The following RIMKLB variants were observed in gnomAD, a reference collection of about 807,000 sequenced individuals.
RIMKLB encodes the protein beta-citrylglutamate synthase B.
A neutral mutation model predicts 32.0 loss-of-function variants in RIMKLB; 7 were observed. The observed-to-expected ratio is 0.22, with a 90% CI of 0.12 to 0.41. The LOEUF is 0.41. Among genes scored for constraint, RIMKLB ranks in the 10% least tolerant of loss-of-function variants. The probability of loss-of-function intolerance (pLI) is 1.00; values close to 1 mark genes in which losing one functional copy is unlikely to be tolerated. For synonymous variants in RIMKLB, 172 were observed against 185.1 expected, an observed-to-expected ratio of 0.93 and a Z score of 0.57; for missense variants, 289 against 498.7, an observed-to-expected ratio of 0.58 and a Z score of 4.00.
intron 4 of RIMKLB, 63 bp from the exon 5 acceptor site, chr12:8,753,827 T>TA (rs759662734): frequency 1.6e-6 from 2 of 1,279,534 alleles, no homozygotes; most frequent in Non-Finnish European, 2.3e-6. Flanking sequence ...AAGATTCAGA[T>TA]AATAGGTATC....
upstream of RIMKLB, among the ~76,000 whole-genome samples, chr12:8,692,214 G>C (rs1485706014): frequency 6.6e-6 from 1 of 152,186 alleles, no homozygotes; most frequent in Admixed American, 6.5e-5. Flanking sequence ...TCTTCAGTCA[G>C]AGAGGACTAA....
chr12:8,735,731 CTGTCTGTT>C (rs1946939361), intron 2 of RIMKLB, among the ~76,000 whole-genome samples: 1 of 137,054 alleles, frequency 7.3e-6, no homozygotes, highest in African/African-American at 3.2e-5. Context: ...TTTTTTTTGT[CTGTCTGTT>C]TGTTTTTTAA....
chr12:8,724,067 C>T (rs1945744358), intron 2 of RIMKLB, among the ~76,000 whole-genome samples: 1 of 152,040 alleles, frequency 6.6e-6, no homozygotes, highest in Non-Finnish European at 1.5e-5. Flanking sequence ...AATCTGCCCA[C>T]CTCAGCCCCC....
chr12:8,747,571 T>G (rs958840114), intron 2 of RIMKLB, among the ~76,000 whole-genome samples: 5 of 152,196 alleles, frequency 3.3e-5, no homozygotes, highest in Admixed American at 3.3e-4. Context: ...CTTATTTTAT[T>G]TATTAATCTA....
chr12:8,715,788 C>T (rs1432520949), intron 2 of RIMKLB, among the ~76,000 whole-genome samples: 1 of 152,166 alleles, frequency 6.6e-6, no homozygotes, highest in Non-Finnish European at 1.5e-5. Flanking sequence ...GTCAATCACA[C>T]AAATAAATGT....
chr12:8,721,420 A>G (rs1591736729), intron 2 of RIMKLB, among the ~76,000 whole-genome samples: 1 of 152,314 alleles, frequency 6.6e-6, no homozygotes, highest in East Asian at 1.9e-4. Context: ...AATTTATGTA[A>G]TATTCTAAAT....
intron 2 of RIMKLB, chr12:8,742,459 A>G: frequency 2.5e-6 from 1 of 396,114 alleles, no homozygotes; most frequent in Non-Finnish European, 4.9e-6. Context: ...TACAAAGAGC[A>G]CATGGAGGAG....
At chr12:8,728,787 G>GTT (rs869026984) in intron 2 of RIMKLB, among the ~76,000 whole-genome samples, 5 of 142,118 alleles carry the variant, frequency 3.5e-5, no homozygotes, top group Middle Eastern at 3.2e-3. Context: ...GTGTGTGTGT[G>GTT]TTTTTGTTTG....
intron 1 of RIMKLB, 24 bp from the exon 2 acceptor site, chr12:8,713,787 A>G: frequency 7.5e-7 from 1 of 1,332,394 alleles, no homozygotes; most frequent in Non-Finnish European, 1.1e-6. Context: ...TTTACCTTTT[A>G]TGTATATTTT....
Position 8,747,450 on chromosome 12 carries a change from C to T in RIMKLB, c.176-2412C>T, listed in dbSNP as rs1948202160. Among the ~76,000 whole-genome samples the T allele has an allele frequency of 2.0e-5, 3 of 152,112 alleles. No homozygotes were observed. The South Asian group carries it at 6.2e-4, about 32-fold the overall frequency. ...TTATGCCTTAATTTTGCCATTAGTT[C>T]TACCTCCCTGATTTTTCTTCCATCA... On this transcript the variant is annotated intron_variant, in intron 2 of 5. Coordinates refer to ENST00000535829, the MANE Select transcript of RIMKLB (RefSeq NM_001297776.2).
chr12:8,727,242 T>C (rs968739812), intron 2 of RIMKLB, among the ~76,000 whole-genome samples: 1 of 152,172 alleles, frequency 6.6e-6, no homozygotes, highest in Non-Finnish European at 1.5e-5. Flanking sequence ...GTTGTTATTA[T>C]TGTTGTTTTT....
intron 2 of RIMKLB, among the ~76,000 whole-genome samples, chr12:8,740,304 A>G (rs1464094340): frequency 6.6e-6 from 1 of 152,214 alleles, no homozygotes. Flanking sequence ...CCTCTTTTAG[A>G]ATACTTTTTT....
chr12:8,753,426 C>T (rs931715634), intron 4 of RIMKLB, among the ~76,000 whole-genome samples: 2 of 152,054 alleles, frequency 1.3e-5, no homozygotes, highest in African/African-American at 4.8e-5. Context: ...TCCGTTGGCA[C>T]AGAAATAGAC....
chr12:8,754,478 G>T (rs772851516), intron 5 of RIMKLB, among the ~76,000 whole-genome samples: 30 of 152,248 alleles, frequency 2.0e-4, no homozygotes, highest in Admixed American at 3.3e-4. Flanking sequence ...TGCTGATTTT[G>T]ATTTTCTTAA....
chr12:8,690,566 C>T (rs1379507727), intron 1 of RIMKLB, among the ~76,000 whole-genome samples: 5 of 152,212 alleles, frequency 3.3e-5, no homozygotes, highest in Admixed American at 2.0e-4. Flanking sequence ...TGCTATTTTG[C>T]TAGCTGAGTG....
intron 4 of RIMKLB, among the ~76,000 whole-genome samples, chr12:8,752,607 T>C (rs1227090934): frequency 6.6e-6 from 1 of 152,214 alleles, no homozygotes; most frequent in African/African-American, 2.4e-5. Flanking sequence ...CATTGCCCTC[T>C]AAAGATATAT....
chr12:8,707,051 A>G (rs988104984), intron 1 of RIMKLB, among the ~76,000 whole-genome samples: 1 of 152,212 alleles, frequency 6.6e-6, no homozygotes, highest in Non-Finnish European at 1.5e-5. Flanking sequence ...GAGAGCGTGG[A>G]AAAACAACAT....
intron 5 of RIMKLB, among the ~76,000 whole-genome samples, chr12:8,771,058 C>T (rs151048590): frequency 1.3e-5 from 2 of 152,290 alleles, no homozygotes; most frequent in East Asian, 3.9e-4. Flanking sequence ...CACGGCTTGC[C>T]ACCCTTCAGG....
upstream of RIMKLB, among the ~76,000 whole-genome samples, chr12:8,695,059 T>G (rs1055405876): frequency 6.6e-6 from 1 of 152,210 alleles, no homozygotes; most frequent in Non-Finnish European, 1.5e-5. Context: ...AACTGAGGTT[T>G]ATGGAAGTTA....
Sources: allele counts gnomAD v4.1 joint callset (sites outside exome capture counted in the v4.1 genomes callset), GRCh38; gene constraint gnomAD v4.1.1; transcripts MANE v1.5; gene names NCBI Gene and HGNC (gene_info 2026-07-23, HGNC 2026-07-21).